Variants in MSL1 observed in about 807,000 individuals in gnomAD.
The protein encoded by MSL1 is MSL complex subunit 1.
MSL1 carries 21 observed loss-of-function variants against 64.6 expected under a neutral mutation model. The ratio of observed to expected loss-of-function variants is 0.33; its 90% CI spans 0.23 to 0.47. MSL1 has a LOEUF of 0.47. Ranked by LOEUF, MSL1 falls within the 20% of genes least tolerant of loss-of-function variation. MSL1 has a pLI of 1.00. For synonymous variants in MSL1, 339 were observed against 329.6 expected (o/e 1.03, Z -0.31); for missense variants, 664 against 793.2 (o/e 0.84, Z 1.96).
chr17:40,132,489 T>A (rs1381413275), intron 5 of MSL1, among the ~76,000 whole-genome samples: 1 of 151,676 alleles, frequency 6.6e-6, no homozygotes, highest in Non-Finnish European at 1.5e-5. Flanking sequence ...AATACAAAAA[T>A]TAGCCGGGCG....
At position 40,129,515 on chromosome 17, in the gene MSL1, A is replaced by T. The variant is rs900328117; in HGVS notation, c.1263A>T (p.Glu421Asp). ...PKEKAFSSEI[E>D]DLPYLSTTEM... is the part of the protein sequence containing the mutation. ...AGAAAGCCTTCTCAAGTGAGATAGA[A>T]GATTTGCCGTACCTTTCCACCACAG... Residue 421 changes from glutamate to aspartate, a missense_variant, in exon 3 of 9, where the codon GAA (glutamate) becomes GAT (aspartate). By Grantham distance (45) the Glu-to-Asp change is conservative. Coordinates refer to ENST00000398532, the MANE Select transcript of MSL1 (RefSeq NM_001365919.1). The T allele has an allele frequency of 2.7e-5, 43 of 1,613,834 alleles. No homozygotes were observed. The highest frequency in any genetic ancestry group is 3.4e-5 in the Non-Finnish European group (40 of 1,179,894).
At chr17:40,132,958 TC>T (rs1354846722) in intron 5 of MSL1, 83 bp from the exon 6 acceptor site, 2 of 1,338,908 alleles carry the variant, frequency 1.5e-6, no homozygotes, top group Non-Finnish European at 2.1e-6. Context: ...GATTTTACGT[TC>T]CTGGAAGCTG....
chr17:40,127,054 A>C (rs1988333964), intron 2 of MSL1, among the ~76,000 whole-genome samples: 1 of 151,948 alleles, frequency 6.6e-6, no homozygotes, highest in Admixed American at 6.6e-5. Context: ...AGTAAAATAC[A>C]GGCCAGGCGT....
intron 3 of MSL1, 54 bp downstream of exon 3, chr17:40,129,681 CAA>C (rs1988401915): frequency 2.0e-6 from 3 of 1,474,608 alleles, no homozygotes; most frequent in Non-Finnish European, 2.7e-6. Context: ...GTCAAGCTAA[CAA>C]GTGTGAAAAT....
At chr17:40,133,292 G>T in intron 6 of MSL1, 183 bp downstream of exon 6, 2 of 740,122 alleles carry the variant, frequency 2.7e-6, no homozygotes, top group Non-Finnish European at 4.4e-6. Flanking sequence ...CGGTAAACAT[G>T]TTTGGCCTCT....
chr17:40,134,388 T>C lies in MSL1; in HGVS notation c.*19T>C, dbSNP rs963270397. Reference sequence around the variant, plus strand: ...GAAATAGCTGTGCTGGCAAGAACCCTGTCTTCAGATAGTTGTAGCATGCCA... The same window carrying C: ...GAAATAGCTGTGCTGGCAAGAACCCCGTCTTCAGATAGTTGTAGCATGCCA... On this transcript the variant is annotated 3_prime_UTR_variant, in exon 9 of 9. Transcript: ENST00000398532. 3 of 1,548,040 alleles carry C rather than the reference T, an allele frequency of 1.9e-6. No homozygotes were observed. Among genetic ancestry groups the C allele is most frequent in the African/African-American group, 1.4e-5 (1 of 73,128 alleles).
rs1988515111 is a variant in MSL1 at position 40,135,103 on chromosome 17, C to T, written c.*734C>T. ...TTTCAGAACAAGTTACAGCTGTAAA[C>T]AAAAGCACTTAGTATTTGGGATGGC... is the stretch of plus-strand genomic sequence containing the variant. On this transcript the variant is annotated 3_prime_UTR_variant, in exon 9 of 9. Coordinates refer to ENST00000398532, the MANE Select transcript of MSL1 (RefSeq NM_001365919.1). 1 of 152,222 alleles carries T rather than the reference C, an allele frequency of 6.6e-6. No homozygotes were observed. 9.4% of individuals were successfully genotyped at this position (152,222 alleles called of 1,614,324 possible).
In MSL1 at chr17:40,123,385, G is replaced by T. The variant is rs770079269; in HGVS notation, c.768+5G>T. On this transcript the variant is annotated splice_donor_5th_base_variant and intron_variant, in intron 1 of 8. Coordinates refer to ENST00000398532, the MANE Select transcript of MSL1 (RefSeq NM_001365919.1). The stretch of plus-strand genomic sequence containing the variant: ...CTGAAGTCAGAGAGAGACACGGTAC[G>T]GGAGGGGTTAATCTGCATTCGGGCC... 6.5e-7 allele frequency: 1 copy of T among 1,535,670 alleles called. No homozygotes were observed. The highest frequency in any genetic ancestry group is 2.4e-5 in the East Asian group (1 of 40,932).
intron 2 of MSL1, among the ~76,000 whole-genome samples, chr17:40,128,533 CCTGA>C (rs1191748079): frequency 6.6e-6 from 1 of 151,188 alleles, no homozygotes; most frequent in East Asian, 2.0e-4. Context: ...TGCCACCACG[CCTGA>C]CTAATTTTTG....
At chr17:40,124,231 T>TG (rs1472564076) in intron 1 of MSL1, among the ~76,000 whole-genome samples, 1 of 151,874 alleles carries the variant, frequency 6.6e-6, no homozygotes, top group Admixed American at 6.6e-5. Flanking sequence ...GAAGCTGGGG[T>TG]GGGGGGTATT....
Position 40,136,906 on chromosome 17 carries a change from T to C in MSL1, c.*2537T>C, listed in dbSNP as rs1327356197. 6.6e-6 allele frequency: 1 copy of C among 152,362 alleles called. No homozygotes were observed. The highest frequency in any genetic ancestry group is 1.5e-5 in the Non-Finnish European group (1 of 68,044). The allele number at this position is 152,362 out of a possible 1,614,324, so 9.4% of individuals were successfully genotyped here. A position where few individuals can be genotyped will look rare whatever the true frequency, so the allele number is the denominator to read the frequency against. The stretch of plus-strand genomic sequence containing the variant: ...CTCAATAAAAAAGAATAACACATTA[T>C]TTTCCCCTTTATAATAAGGTACTCA... On this transcript the variant is annotated 3_prime_UTR_variant, in exon 9 of 9. Coordinates refer to ENST00000398532, the MANE Select transcript of MSL1 (RefSeq NM_001365919.1).
rs370965731 is a variant in MSL1 at position 40,127,368 on chromosome 17, A to T, written c.992+962A>T. Among the ~76,000 whole-genome samples, 16 of 151,972 alleles carry T rather than the reference A, an allele frequency of 1.1e-4. No homozygotes were observed. The South Asian group carries it at 3.3e-3, about 32-fold the overall frequency. Reference sequence around the variant, plus strand: ...AAAAAAAAAAAAAAGGTAAAAATGGAACTGTCCTTGGACTCAAAGAAATTA... The same window carrying T: ...AAAAAAAAAAAAAAGGTAAAAATGGTACTGTCCTTGGACTCAAAGAAATTA... On this transcript the variant is annotated intron_variant, in intron 2 of 8. Transcript: ENST00000398532.
At chr17:40,134,196 A>C in intron 8 of MSL1, 83 bp from the exon 9 acceptor site, 1 of 1,173,140 alleles carries the variant, frequency 8.5e-7, no homozygotes, top group South Asian at 1.3e-5. Context: ...TAAGGGACAT[A>C]GTGACTTTTT....
At chr17:40,127,696 T>A (rs1421457648) in intron 2 of MSL1, among the ~76,000 whole-genome samples, 1 of 152,184 alleles carries the variant, frequency 6.6e-6, no homozygotes, top group Non-Finnish European at 1.5e-5. Context: ...CCCAGGCTGA[T>A]CTCAAACTCC....
intron 2 of MSL1, among the ~76,000 whole-genome samples, chr17:40,127,502 A>T (rs951046547): frequency 1.3e-5 from 2 of 152,162 alleles, no homozygotes; most frequent in African/African-American, 2.4e-5. Flanking sequence ...TTTGTTTGAG[A>T]TAGGGTCTCT....
Position 40,133,274 on chromosome 17 carries a change from A to G in MSL1, c.1556+165A>G, listed in dbSNP as rs529441828. ...GTTGAATATCTTAGTTGGAAATGGT[A>G]GTTGTTGCGGTAAACATGTTTGGCC... On this transcript the variant is annotated intron_variant, in intron 6 of 8. Coordinates refer to ENST00000398532, the MANE Select transcript of MSL1 (RefSeq NM_001365919.1). The G allele has an allele frequency of 4.9e-5, 37 of 757,442 alleles. No homozygotes were observed. In the South Asian group the frequency reaches 5.3e-4, roughly 11 times the overall value. The allele number at this position is 757,442 out of a possible 1,614,324, so 46.9% of individuals were successfully genotyped here. A position where few individuals can be genotyped will look rare whatever the true frequency, so the allele number is the denominator to read the frequency against.
chr17:40,126,437 C>T (rs1328002294), intron 2 of MSL1, 31 bp downstream of exon 2: 3 of 1,572,792 alleles, frequency 1.9e-6, no homozygotes, highest in African/African-American at 2.7e-5. Context: ...GATGAGGACC[C>T]TTGTTACCAG....
In MSL1 at chr17:40,124,216, T is replaced by G. The variant is rs576290892; in HGVS notation, c.768+836T>G. Among the ~76,000 whole-genome samples, 135 of 152,236 alleles carry G rather than the reference T, an allele frequency of 8.9e-4. 2 individuals carry two copies. The highest frequency in any genetic ancestry group is 1.4e-3 in the Non-Finnish European group (94 of 67,998). On this transcript the variant is annotated intron_variant, in intron 1 of 8. Transcript: ENST00000398532. ...GCGTTAAAACATATTCCTTCAGATA[T>G]GAGGGAAGCTGGGGTGGGGGGTATT... is the stretch of plus-strand genomic sequence containing the variant.
Position 40,131,346 on chromosome 17 carries a change from G to C in MSL1, c.1376-191G>C. ...CGTCTCAGTGTAAAAAAAAAAAGTGGTGGGCTTATTTTCTTTTCTTTTGTC... is the reference window on the plus strand; with the variant it reads ...CGTCTCAGTGTAAAAAAAAAAAGTGCTGGGCTTATTTTCTTTTCTTTTGTC... On this transcript the variant is annotated intron_variant, in intron 3 of 8. Transcript: ENST00000398532. The surrounding 1 kb of genome is among the most constrained non-coding windows in gnomAD (Gnocchi z 4.5). 2.0e-6 allele frequency: 1 copy of C among 502,438 alleles called. No homozygotes were observed. 31.1% of individuals were successfully genotyped at this position (502,438 alleles called of 1,614,324 possible).
Sources: gnomAD v4.1 joint callset for allele counts (sites outside exome capture counted in the v4.1 genomes callset) on GRCh38, gnomAD v4.1.1 for gene constraint, Gnocchi (gnomAD v3.1) non-coding constraint, MANE v1.5 for transcripts, NCBI Gene and HGNC (gene_info 2026-07-23, HGNC 2026-07-21) for gene names.